WDR70: variants seen among roughly 807,000 people sequenced by gnomAD.
WDR70 encodes WD repeat-containing protein 70.
WDR70 carries 53 observed loss-of-function variants against 88.6 expected under a neutral mutation model. The observed-to-expected ratio is 0.60, with a 90% CI of 0.48 to 0.75. The LOEUF (loss-of-function observed/expected upper bound fraction) is 0.75, where lower values mean the gene tolerates loss of function less well. Among genes scored for constraint, WDR70 ranks in the 30% least tolerant of loss-of-function variants. The pLI, the probability that WDR70 is intolerant of heterozygous loss-of-function variation, is 0.00. For synonymous variants in WDR70, 280 were observed against 270.0 expected, an observed-to-expected ratio of 1.04 and a Z score of -0.36; for missense variants, 610 against 823.2, an observed-to-expected ratio of 0.74 and a Z score of 3.17.
chr5:37,499,669 G>A (rs950265308), intron 8 of WDR70, among the ~76,000 whole-genome samples: 3 of 142,642 alleles, frequency 2.1e-5, no homozygotes, highest in Non-Finnish European at 4.5e-5. Context: ...GGGCTCAAAC[G>A]ATCCTCCCAC....
At chr5:37,676,216 T>C (rs1746201117) in intron 10 of WDR70, among the ~76,000 whole-genome samples, 1 of 151,590 alleles carries the variant, frequency 6.6e-6, no homozygotes, top group South Asian at 2.1e-4. Flanking sequence ...CCTAATTGAA[T>C]ACCCTTTATT....
chr5:37,486,477 G>A (rs368582151), intron 8 of WDR70, among the ~76,000 whole-genome samples: 10 of 137,030 alleles, frequency 7.3e-5, no homozygotes, highest in East Asian at 2.1e-4. Flanking sequence ...CTGAGTAGCC[G>A]GGATTACAGG....
chr5:37,487,540 A>G (rs938355932), intron 8 of WDR70, among the ~76,000 whole-genome samples: 7 of 147,914 alleles, frequency 4.7e-5, no homozygotes, highest in African/African-American at 1.7e-4. Flanking sequence ...TTAAGTTGTT[A>G]TATTATTAAA....
At chr5:37,416,518 A>G (rs1749757874) in intron 5 of WDR70, among the ~76,000 whole-genome samples, 1 of 147,516 alleles carries the variant, frequency 6.8e-6, no homozygotes, top group South Asian at 2.1e-4. Flanking sequence ...GGAGAGGGAG[A>G]TCGTGGGGAG....
intron 10 of WDR70, among the ~76,000 whole-genome samples, chr5:37,638,283 A>G (rs1309452148): frequency 6.6e-6 from 1 of 152,180 alleles, no homozygotes; most frequent in African/African-American, 2.4e-5. Flanking sequence ...TTGCTTTTAT[A>G]TGTATTATAT....
rs547158768 is a variant in WDR70 at position 37,381,974 on chromosome 5, A to G, written c.175+289A>G. On this transcript the variant is annotated intron_variant, in intron 3 of 17. Transcript: ENST00000265107. The stretch of plus-strand genomic sequence containing the variant: ...AGGCTGAGGCAGTGGCTTCAGTTGA[A>G]GTCGGGAGGCAGAGGTTGCAGTGAG... 7.3e-5 allele frequency among the ~76,000 whole-genome samples: 11 copies of G among 149,980 alleles called. No individual in the cohort carries two copies. The South Asian group carries it at 2.4e-3, about 32-fold the overall frequency.
In WDR70 at chr5:37,518,762, A is replaced by G. The variant is rs956692746; in HGVS notation, c.917+2172A>G. 4.0e-5 allele frequency among the ~76,000 whole-genome samples: 6 copies of G among 151,006 alleles called. No individual in the cohort carries two copies. The South Asian group carries it at 1.3e-3, about 32-fold the overall frequency. Reference sequence around the variant, plus strand: ...GGGGATGTGGCAGGGTCATAGGATAATAGTGGAGAGAAGGTCAGCAGATAA... The same window carrying G: ...GGGGATGTGGCAGGGTCATAGGATAGTAGTGGAGAGAAGGTCAGCAGATAA... On this transcript the variant is annotated intron_variant, in intron 9 of 17. Transcript: ENST00000265107.
At chr5:37,479,760 G>T in intron 7 of WDR70, 74 bp from the exon 8 acceptor site, 4 of 1,444,286 alleles carry the variant, frequency 2.8e-6, no homozygotes, top group South Asian at 1.4e-5. Context: ...TTTTTTTTCT[G>T]GCAATACTTA....
intron 10 of WDR70, among the ~76,000 whole-genome samples, chr5:37,656,137 T>C (rs1378705144): frequency 5.4e-4 from 82 of 152,180 alleles, no homozygotes; most frequent in Admixed American, 5.3e-3. Flanking sequence ...GTGGACATCC[T>C]TTTTGTTGAT....
At chr5:37,589,571 C>G (rs139395501) in intron 9 of WDR70, among the ~76,000 whole-genome samples, 13 of 152,022 alleles carry the variant, frequency 8.6e-5, no homozygotes, top group African/African-American at 2.9e-4. Context: ...TTTCTTGCTG[C>G]TTATTTATTT....
chr5:37,496,279 A>G (rs1740212576), intron 8 of WDR70, among the ~76,000 whole-genome samples: 1 of 152,150 alleles, frequency 6.6e-6, no homozygotes, highest in Admixed American at 6.5e-5. Flanking sequence ...CACCTTGTGG[A>G]AGCTTTGTTG....
Position 37,532,846 on chromosome 5 carries a change from A to G in WDR70, c.917+16256A>G, listed in dbSNP as rs978804692. Among the ~76,000 whole-genome samples the G allele has an allele frequency of 5.3e-5, 8 of 152,006 alleles. 1 individual carries two copies. The highest frequency in any genetic ancestry group is 3.9e-4 in the Admixed American group (6 of 15,262). On this transcript the variant is annotated intron_variant, in intron 9 of 17. Transcript: ENST00000265107. ...GGGTGTTAAAGACCCTTGCTTTGTC[A>G]TATTGCCAGAGTTGTTTTTCTGGTT...
intron 9 of WDR70, among the ~76,000 whole-genome samples, chr5:37,522,247 C>T (rs573259855): frequency 5.3e-5 from 8 of 151,526 alleles, no homozygotes; most frequent in East Asian, 1.9e-4. Context: ...CTGAGGCGGG[C>T]GGATCATGAG....
At chr5:37,435,941 C>G (rs1045416840) in intron 5 of WDR70, among the ~76,000 whole-genome samples, 2 of 149,678 alleles carry the variant, frequency 1.3e-5, no homozygotes, top group Non-Finnish European at 3.0e-5. Context: ...TAGATATAGT[C>G]TTTGAGAAGC....
At chr5:37,628,166 C>A (rs1355900054) in intron 10 of WDR70, among the ~76,000 whole-genome samples, 1 of 152,190 alleles carries the variant, frequency 6.6e-6, no homozygotes, top group Non-Finnish European at 1.5e-5. Context: ...TCAAGTGATC[C>A]TCTGCCTTGG....
At chr5:37,409,358 G>C (rs1296944001) in intron 5 of WDR70, among the ~76,000 whole-genome samples, 1 of 152,122 alleles carries the variant, frequency 6.6e-6, no homozygotes, top group Non-Finnish European at 1.5e-5. Context: ...CAAAAAACTA[G>C]CCTCAGCCGA....
intron 7 of WDR70, among the ~76,000 whole-genome samples, chr5:37,448,936 T>G (rs1738579740): frequency 6.6e-6 from 1 of 152,254 alleles, no homozygotes; most frequent in Non-Finnish European, 1.5e-5. Context: ...ATTGAGATTA[T>G]GAGTCCTTGG....
chr5:37,403,778 A>G (rs548836926), intron 5 of WDR70, among the ~76,000 whole-genome samples: 1 of 151,980 alleles, frequency 6.6e-6, no homozygotes, highest in South Asian at 2.1e-4. Flanking sequence ...AGTGCAGTGA[A>G]TTTTTTTGAC....
At chr5:37,422,776 C>G (rs1749984911) in intron 5 of WDR70, among the ~76,000 whole-genome samples, 1 of 151,988 alleles carries the variant, frequency 6.6e-6, no homozygotes, top group Non-Finnish European at 1.5e-5. Flanking sequence ...CCACTGCACC[C>G]AGCCCTCAGC....
Sources: allele counts gnomAD v4.1 joint callset (sites outside exome capture counted in the v4.1 genomes callset), GRCh38; gene constraint gnomAD v4.1.1; transcripts MANE v1.5; gene names NCBI Gene and HGNC (gene_info 2026-07-23, HGNC 2026-07-21).